Variants in ASMT observed in about 807,000 individuals in gnomAD.
The protein encoded by ASMT is acetylserotonin O-methyltransferase.
In ASMT, 53 loss-of-function variants were observed where a neutral mutation model predicts 41.3. The ratio of observed to expected loss-of-function variants is 1.28; its 90% CI spans 1.03 to 1.61. The LOEUF (loss-of-function observed/expected upper bound fraction) is 1.61, where lower values mean the gene tolerates loss of function less well. Ranked by LOEUF, ASMT falls within the 40% of genes most tolerant of loss-of-function variation. ASMT has a pLI of 0.00. For missense variants in ASMT, 531 were observed against 441.3 expected, an observed-to-expected ratio of 1.20 and a Z score of -1.82; for synonymous variants, 231 against 184.8, an observed-to-expected ratio of 1.25 and a Z score of -2.03.
At position 1,621,941 on chromosome X, in the gene ASMT, T is replaced by G. The variant is rs28812599; in HGVS notation, c.70-1198T>G. Among the ~76,000 whole-genome samples the G allele has an allele frequency of 8.0e-3, 1,216 of 151,664 alleles. 14 individuals are homozygous for G. Among genetic ancestry groups the G allele is most frequent in the African/African-American group, 0.028 (1,141 of 41,336 alleles). ...AACTCACAACCTCAGTTGCTCCACC[T>G]GCCTCGGCCTCCCAAAGTGCTGGGA... On this transcript the variant is annotated intron_variant, in intron 1 of 8. Transcript: ENST00000381241.
At chrX:1,621,869 A>G (rs1416971707) in intron 1 of ASMT, among the ~76,000 whole-genome samples, 1 of 150,190 alleles carries the variant, frequency 6.7e-6, no homozygotes, top group Non-Finnish European at 1.5e-5. Context: ...CTAATTTTGT[A>G]TTTTTAGTAG....
intron 1 of ASMT, 38 bp downstream of exon 1, chrX:1,615,306 C>G (rs752753336): frequency 2.6e-6 from 4 of 1,520,180 alleles, no homozygotes; most frequent in Non-Finnish European, 3.6e-6. Flanking sequence ...GAATAGACTT[C>G]CGTTCATCAC....
At chrX:1,628,878 TCTC>T (rs1387673262) in intron 4 of ASMT, among the ~76,000 whole-genome samples, 1 of 151,018 alleles carries the variant, frequency 6.6e-6, no homozygotes, top group Non-Finnish European at 1.5e-5. Flanking sequence ...CACCTCCTTT[TCTC>T]CTCCTCTCTT....
chrX:1,627,080 T>C lies in ASMT; in HGVS notation c.375-623T>C, dbSNP rs779062400. Among the ~76,000 whole-genome samples, 38 of 146,118 alleles carry C rather than the reference T, an allele frequency of 2.6e-4. No homozygotes were observed. The South Asian group carries it at 7.0e-3, about 27-fold the overall frequency. ...TGGCTCACGCCTGTAATCCCAGCAC[T>C]TTGGGAGGCCAAGGCGGGCAGATCA... is the stretch of plus-strand genomic sequence containing the variant. On this transcript the variant is annotated intron_variant, in intron 3 of 8. Transcript: ENST00000381241.
intron 5 of ASMT, among the ~76,000 whole-genome samples, chrX:1,631,443 G>A (rs1238012935): frequency 6.6e-6 from 1 of 152,042 alleles, no homozygotes; most frequent in Non-Finnish European, 1.5e-5. Context: ...TCCAGGCCGT[G>A]ATCCACCCAC....
At chrX:1,620,366 C>G (rs1934296506) in intron 1 of ASMT, among the ~76,000 whole-genome samples, 1 of 151,360 alleles carries the variant, frequency 6.6e-6, no homozygotes. Flanking sequence ...CGGGGTTTCA[C>G]TATGTTGGCC....
chrX:1,629,159 A>C (rs1467492283), intron 4 of ASMT, among the ~76,000 whole-genome samples: 33 of 151,984 alleles, frequency 2.2e-4, no homozygotes, highest in Non-Finnish European at 4.7e-4. Context: ...ACAAGTACCC[A>C]TGTCTTCCAT....
At chrX:1,616,712 T>C (rs1269762170) in intron 1 of ASMT, among the ~76,000 whole-genome samples, 3 of 150,786 alleles carry the variant, frequency 2.0e-5, no homozygotes, top group Non-Finnish European at 4.4e-5. Context: ...TTTCTACAAA[T>C]TCTTTTTTCT....
At chrX:1,615,814 A>C (rs1934073171) in intron 1 of ASMT, among the ~76,000 whole-genome samples, 1 of 151,044 alleles carries the variant, frequency 6.6e-6, no homozygotes, top group Non-Finnish European at 1.5e-5. Flanking sequence ...AAAAAAACCA[A>C]ACAAACAACA....
At position 1,623,279 on chromosome X, in the gene ASMT, G is replaced by T. The variant is rs1934403950; in HGVS notation, c.210G>T (p.Leu70=). ...TCCTGCTGGACATCTGTGTGTCCCT[G>T]AAGCTGCTGAAAGTGGAGACGAGGG... ...TELLLDICVS[L]KLLKVETRGG... The change falls in exon 2 of 9, where the codon CTG becomes CTT. Residue 70 remains leucine (L), a synonymous_variant. Coordinates refer to ENST00000381241, the MANE Select transcript of ASMT (RefSeq NM_001171038.2). 6.2e-7 allele frequency: 1 copy of T among 1,613,846 alleles called. No homozygotes were observed. Among genetic ancestry groups the T allele is most frequent in the Admixed American group, 1.7e-5 (1 of 59,980 alleles).
At chrX:1,616,036 T>G (rs1271522220) in intron 1 of ASMT, among the ~76,000 whole-genome samples, 3 of 140,574 alleles carry the variant, frequency 2.1e-5, no homozygotes, top group Admixed American at 1.5e-4. Context: ...ATTCCTTTTT[T>G]TTATTTTTTT....
intron 8 of ASMT, among the ~76,000 whole-genome samples, chrX:1,636,889 T>C (rs1318948280): frequency 4.4e-4 from 67 of 151,308 alleles, no homozygotes; most frequent in South Asian, 3.6e-3. Context: ...ATCCTGATGG[T>C]TCATGAGGAT....
intron 1 of ASMT, among the ~76,000 whole-genome samples, chrX:1,616,089 C>T (rs1484772474): frequency 1.3e-5 from 2 of 151,522 alleles, no homozygotes; most frequent in Non-Finnish European, 2.9e-5. Context: ...AGTGCAGTGG[C>T]ACGGTCTTGG....
chrX:1,620,914 CAAAT>C (rs1426547280), intron 1 of ASMT, among the ~76,000 whole-genome samples: 1 of 142,606 alleles, frequency 7.0e-6, no homozygotes, highest in Non-Finnish European at 1.5e-5. Flanking sequence ...TAATAATAAA[CAAAT>C]AAAGATACCA....
rs768528961 is a variant in ASMT at position 1,616,178 on chromosome X, A to G, written c.69+910A>G. On this transcript the variant is annotated intron_variant, in intron 1 of 8. Transcript: ENST00000381241. ...CGAGTATCTGGGATTACAGGCACCC[A>G]CCACCACGCCCGGCTAATTTTTGTA... Among the ~76,000 whole-genome samples, 160 of 142,158 alleles carry G rather than the reference A, an allele frequency of 1.1e-3. 2 individuals are homozygous for G. The highest frequency in any genetic ancestry group is 7.1e-3 in the East Asian group (36 of 5,066). 93.3% of individuals were successfully genotyped at this position (142,158 alleles called of 152,430 possible). A position where few individuals can be genotyped will look rare whatever the true frequency, so the allele number is the denominator to read the frequency against.
chrX:1,623,067 T>TA (rs1934392264), intron 1 of ASMT, 72 bp from the exon 2 acceptor site: 14 of 1,459,170 alleles, frequency 9.6e-6, no homozygotes, highest in Non-Finnish European at 1.3e-5. Context: ...CCTGCCATGG[T>TA]ATGGGGTGTT....
At chrX:1,628,069 C>G (rs1428467853) in intron 4 of ASMT, 1 of 457,716 alleles carries the variant, frequency 2.2e-6, no homozygotes. Context: ...GCCTGTCATC[C>G]CAGAACTTTG....
At chrX:1,630,949 C>G (rs2149468616) in intron 5 of ASMT, among the ~76,000 whole-genome samples, 1 of 147,812 alleles carries the variant, frequency 6.8e-6, no homozygotes, top group Admixed American at 6.8e-5. Flanking sequence ...CTTGCTCTGT[C>G]ACCCAGGCTG....
At chrX:1,615,638 A>G (rs1189680403) in intron 1 of ASMT, among the ~76,000 whole-genome samples, 1 of 152,006 alleles carries the variant, frequency 6.6e-6, no homozygotes, top group African/African-American at 2.4e-5. Flanking sequence ...CCCCATCTCT[A>G]CTAAAAATAC....
Sources: allele counts gnomAD v4.1 joint callset (sites outside exome capture counted in the v4.1 genomes callset), GRCh38; gene constraint gnomAD v4.1.1; transcripts MANE v1.5; gene names NCBI Gene and HGNC (gene_info 2026-07-23, HGNC 2026-07-21).